The following PPP6R3 variants were observed in gnomAD, a reference collection of about 807,000 sequenced individuals.
PPP6R3 encodes serine/threonine-protein phosphatase 6 regulatory subunit 3.
A neutral mutation model predicts 110.7 loss-of-function variants in PPP6R3; 38 were observed. The observed-to-expected ratio is 0.34, with a 90% CI of 0.26 to 0.45. The LOEUF (loss-of-function observed/expected upper bound fraction) is 0.45, where lower values mean the gene tolerates loss of function less well. Among genes scored for constraint, PPP6R3 ranks in the 20% least tolerant of loss-of-function variants. The pLI is 1.00. For synonymous variants in PPP6R3, 369 were observed against 373.5 expected, an observed-to-expected ratio of 0.99 and a Z score of 0.14; for missense variants, 870 against 1,062.4, an observed-to-expected ratio of 0.82 and a Z score of 2.52.
chr11:68,494,019 C>T (rs917339767), intron 1 of PPP6R3, among the ~76,000 whole-genome samples: 2 of 149,276 alleles, frequency 1.3e-5, no homozygotes, highest in East Asian at 2.0e-4. Flanking sequence ...AGGAGAATGG[C>T]GTGAACCCGG....
rs1040979811 is a variant in PPP6R3, at chr11:68,588,119, T to C, written c.1730+95T>C. 1.8e-5 allele frequency: 20 copies of C among 1,115,152 alleles called. No individual in the cohort carries two copies. The African/African-American group carries it at 2.6e-4, about 15-fold the overall frequency. 69.1% of individuals were successfully genotyped at this position (1,115,152 alleles called of 1,614,324 possible). On this transcript the variant is annotated intron_variant, in intron 16 of 23. Transcript: ENST00000393800. ...CTGCGGGATTCTTAGTCTTGAGCAT[T>C]CGTGAGTGGGAGGAACCTGCTCTTT...
intron 19 of PPP6R3, among the ~76,000 whole-genome samples, chr11:68,599,455 C>T (rs779388401): frequency 4.6e-5 from 7 of 152,186 alleles, no homozygotes; most frequent in Non-Finnish European, 8.8e-5. Context: ...CAAGTCCTGC[C>T]GCTTCAGCCT....
chr11:68,473,113 G>C (rs1036971356), intron 1 of PPP6R3, among the ~76,000 whole-genome samples: 2 of 152,134 alleles, frequency 1.3e-5, no homozygotes, highest in African/African-American at 4.8e-5. Flanking sequence ...TTTTGTATGC[G>C]AATGAGTTGA....
intron 8 of PPP6R3, among the ~76,000 whole-genome samples, chr11:68,562,196 T>C (rs1211272017): frequency 6.6e-6 from 1 of 152,216 alleles, no homozygotes; most frequent in Non-Finnish European, 1.5e-5. Context: ...GTATTATTTT[T>C]TATAGCATAG....
At chr11:68,540,061 AG>A (rs1405216042) in intron 3 of PPP6R3, among the ~76,000 whole-genome samples, 2 of 152,160 alleles carry the variant, frequency 1.3e-5, no homozygotes, top group African/African-American at 4.8e-5. Flanking sequence ...GGAAGGAGGG[AG>A]GGTTGGAGTG....
intron 1 of PPP6R3, among the ~76,000 whole-genome samples, chr11:68,486,394 A>G (rs1250119097): frequency 6.6e-6 from 1 of 151,996 alleles, no homozygotes; most frequent in African/African-American, 2.4e-5. Context: ...TCACAAGTTC[A>G]GGAGATCAAG....
chr11:68,576,771 G>T (rs1200867569), intron 14 of PPP6R3, among the ~76,000 whole-genome samples: 1 of 152,180 alleles, frequency 6.6e-6, no homozygotes. Flanking sequence ...AAGTGTTTAT[G>T]TTTGGCGTTT....
chr11:68,554,839 A>G (rs1016477238), intron 7 of PPP6R3, among the ~76,000 whole-genome samples: 4 of 152,228 alleles, frequency 2.6e-5, no homozygotes, highest in East Asian at 1.9e-4. Context: ...ACTCCTCACT[A>G]TGGGAGAATA....
At chr11:68,505,711 C>CA (rs1321477992) in intron 1 of PPP6R3, among the ~76,000 whole-genome samples, 1 of 152,098 alleles carries the variant, frequency 6.6e-6, no homozygotes, top group Non-Finnish European at 1.5e-5. Context: ...GGAACAACAA[C>CA]AAAAAACCAG....
rs570494377 is a variant in PPP6R3 at position 68,551,553 on chromosome 11, G to A, written c.618+367G>A. On this transcript the variant is annotated intron_variant, in intron 6 of 23. Coordinates refer to ENST00000393800, the MANE Select transcript of PPP6R3 (RefSeq NM_001164161.2). ...CGCCTAGGCTGGAATGCAGTGGCGC[G>A]ATCTTAGCTCACTGCAACCTCCACC... Among the ~76,000 whole-genome samples, 7 of 152,136 alleles carry A rather than the reference G, an allele frequency of 4.6e-5. No homozygotes were observed. In the South Asian group the frequency reaches 1.0e-3, roughly 23 times the overall value.
chr11:68,496,240 T>G (rs2099015072), intron 1 of PPP6R3, among the ~76,000 whole-genome samples: 1 of 151,890 alleles, frequency 6.6e-6, no homozygotes, highest in Middle Eastern at 3.4e-3. Flanking sequence ...AGGCTGGTCT[T>G]GAACTCCTGG....
At chr11:68,570,935 G>C in intron 11 of PPP6R3, 105 bp from the exon 12 acceptor site, 2 of 1,367,256 alleles carry the variant, frequency 1.5e-6, no homozygotes, top group Admixed American at 5.6e-5. Flanking sequence ...CATTTAGCTT[G>C]CTAGATTATG....
Position 68,613,050 on chromosome 11 carries a change from G to T in PPP6R3, c.2571-16G>T, listed in dbSNP as rs1448388066. The T allele has an allele frequency of 5.0e-6, 8 of 1,614,154 alleles. No homozygotes were observed. The South Asian group carries it at 7.7e-5, about 16-fold the overall frequency. Reference sequence around the variant, plus strand: ...TCTGCTGCAAGTGCCTCCGATGCCTGTCTGTTGCTCCTTAGGACTGGCCAA... The same window carrying T: ...TCTGCTGCAAGTGCCTCCGATGCCTTTCTGTTGCTCCTTAGGACTGGCCAA... On this transcript the variant is annotated splice_polypyrimidine_tract_variant and intron_variant, in intron 23 of 23. Transcript: ENST00000393800.
At chr11:68,471,286 A>G (rs1281250935) in intron 1 of PPP6R3, among the ~76,000 whole-genome samples, 1 of 150,808 alleles carries the variant, frequency 6.6e-6, no homozygotes, top group African/African-American at 2.4e-5. Context: ...CTGTCTCAAA[A>G]AAAAAAAAAA....
chr11:68,574,009 A>G, intron 12 of PPP6R3, 100 bp from the exon 13 acceptor site: 1 of 800,708 alleles, frequency 1.2e-6, no homozygotes, highest in Non-Finnish European at 2.1e-6. Flanking sequence ...CAGTGCCTTC[A>G]GGGTTTAAAA....
chr11:68,475,565 C>T (rs537492515), intron 1 of PPP6R3, among the ~76,000 whole-genome samples: 491 of 149,006 alleles, frequency 3.3e-3, no homozygotes, highest in Non-Finnish European at 5.4e-3. Flanking sequence ...CCCTCCCGGA[C>T]GGGGCGGCTG....
intron 12 of PPP6R3, among the ~76,000 whole-genome samples, chr11:68,571,642 C>T (rs1205881103): frequency 6.6e-6 from 1 of 152,180 alleles, no homozygotes; most frequent in Non-Finnish European, 1.5e-5. Flanking sequence ...CGTTTTCTTA[C>T]AGGTGTTGTC....
intron 1 of PPP6R3, among the ~76,000 whole-genome samples, chr11:68,472,858 A>G (rs2098802077): frequency 6.6e-6 from 1 of 152,198 alleles, no homozygotes; most frequent in Non-Finnish European, 1.5e-5. Flanking sequence ...TTTTGGGACC[A>G]GCTTCTTTCA....
At chr11:68,591,555 T>A in intron 17 of PPP6R3, 21 bp from the exon 18 acceptor site, 1 of 1,566,446 alleles carries the variant, frequency 6.4e-7, no homozygotes, top group Non-Finnish European at 8.6e-7. Flanking sequence ...TTGTTGTTTT[T>A]TTCCTCTCAT....
Sources: allele counts gnomAD v4.1 joint callset (sites outside exome capture counted in the v4.1 genomes callset), GRCh38; gene constraint gnomAD v4.1.1; transcripts MANE v1.5; gene names NCBI Gene and HGNC (gene_info 2026-07-23, HGNC 2026-07-21).